The following NRXN2 variants were observed in gnomAD, a reference collection of about 807,000 sequenced individuals.
NRXN2 encodes neurexin-2-beta.
Under a neutral mutation model 128.8 loss-of-function variants are expected in NRXN2, and 29 were observed. The observed-to-expected ratio is 0.23, with a 90% CI of 0.17 to 0.31. The LOEUF (loss-of-function observed/expected upper bound fraction) is 0.31, where lower values mean the gene tolerates loss of function less well. Among genes scored for constraint, NRXN2 ranks in the 10% least tolerant of loss-of-function variants. NRXN2 has a pLI of 1.00. For missense variants in NRXN2, 1,881 were observed against 2,452.6 expected (o/e 0.77, Z 4.92); for synonymous variants, 1,098 against 1,075.2 (o/e 1.02, Z -0.41).
In NRXN2 at chr11:64,635,627, G is replaced by A. The variant is rs1163685602; in HGVS notation, c.3404-175C>T. Among the ~76,000 whole-genome samples the A allele has an allele frequency of 6.6e-6, 1 of 152,192 alleles. No homozygotes were observed. The highest frequency in any genetic ancestry group is 1.5e-5 in the Non-Finnish European group (1 of 68,020). On this transcript the variant is annotated intron_variant, in intron 17 of 22. Coordinates refer to ENST00000265459, the MANE Select transcript of NRXN2 (RefSeq NM_015080.4). This position sits in a 1 kb window ranked among gnomAD's most constrained non-coding sequence, Gnocchi z 4.8. ...CCCAGGGAGAAGTTGGCAGGCGGGT[G>A]CCTGGGTGAGAGCCTGTGCACGCGC...
At position 64,697,799 on chromosome 11, in the gene NRXN2, C is replaced by T; in HGVS notation, c.731-7G>A. ...CCTTCCATGGGGTGCTCCTCTGCAGCCAGCGAGGTTCGGAGAAGACGGAGG... is the reference window on the plus strand; with the variant it reads ...CCTTCCATGGGGTGCTCCTCTGCAGTCAGCGAGGTTCGGAGAAGACGGAGG... On this transcript the variant is annotated splice_polypyrimidine_tract_variant and splice_region_variant and intron_variant, in intron 2 of 22. Transcript: ENST00000265459. 6.2e-7 allele frequency: 1 copy of T among 1,613,760 alleles called. No homozygotes were observed. The highest frequency in any genetic ancestry group is 8.5e-7 in the Non-Finnish European group (1 of 1,179,814).
chr11:64,616,295 T>C (rs919619604), intron 22 of NRXN2, among the ~76,000 whole-genome samples: 4 of 152,190 alleles, frequency 2.6e-5, no homozygotes, highest in Non-Finnish European at 4.4e-5. Flanking sequence ...AGTATACTTA[T>C]ACACACATGT....
chr11:64,649,078 ACTT>A (rs953963898), intron 15 of NRXN2, among the ~76,000 whole-genome samples, 171 bp from the exon 16 acceptor site: 1 of 151,686 alleles, frequency 6.6e-6, no homozygotes, highest in East Asian at 1.9e-4. Flanking sequence ...CCCCCAACAC[ACTT>A]CTTCCTTCTC....
chr11:64,692,980 G>C, intron 3 of NRXN2, 104 bp from the exon 4 acceptor site: 1 of 993,150 alleles, frequency 1.0e-6, no homozygotes, highest in Non-Finnish European at 1.5e-6. Context: ...AAATCAGCCA[G>C]AGAGAAGGGA....
intron 17 of NRXN2, among the ~76,000 whole-genome samples, chr11:64,641,009 A>T (rs1319809336): frequency 2.0e-5 from 3 of 152,112 alleles, no homozygotes; most frequent in Non-Finnish European, 4.4e-5. Flanking sequence ...GGAAGTGATG[A>T]GGGTACAAGG....
intron 2 of NRXN2, 147 bp downstream of exon 2, chr11:64,712,823 C>T (rs1194053665): frequency 9.9e-6 from 8 of 805,428 alleles, no homozygotes; most frequent in Non-Finnish European, 1.7e-5. Flanking sequence ...CACGCGTCCC[C>T]GCAGCCCTGG....
chr11:64,652,138 C>T lies in NRXN2; in HGVS notation c.2433G>A (p.Thr811=), dbSNP rs545736133. 5 of 1,612,740 alleles carry T rather than the reference C, an allele frequency of 3.1e-6. No individual in the cohort carries two copies. Among genetic ancestry groups the T allele is most frequent in the South Asian group, 1.1e-5 (1 of 91,076 alleles). Residue 811 remains threonine (T), a synonymous_variant, in exon 13 of 23, where the codon ACG becomes ACA. Transcript: ENST00000265459. The part of the protein sequence containing the change: ...VGCAPSKGPE[T]LFAGHKLNDN... ...CATTGAGCTTGTGCCCCGCAAACAG[C>T]GTTTCGGGGCCTTTACCTGCGGCAC... is the stretch of plus-strand genomic sequence containing the variant.
chr11:64,646,592 TCTTA>T (rs56364391), intron 17 of NRXN2: 39,176 of 151,910 alleles, frequency 0.26, 5,542 homozygotes, highest in East Asian at 0.47. Flanking sequence ...AGTAACTGCC[TCTTA>T]CTGAGGCCTG....
At chr11:64,718,169 C>T (rs2135690309) in intron 1 of NRXN2, among the ~76,000 whole-genome samples, 1 of 152,322 alleles carries the variant, frequency 6.6e-6, no homozygotes, top group East Asian at 1.9e-4. Flanking sequence ...TGACCAAAGG[C>T]CTCAGCCCTA....
At chr11:64,643,313 G>A in intron 17 of NRXN2, 1 of 972,924 alleles carries the variant, frequency 1.0e-6, no homozygotes, top group Non-Finnish European at 1.2e-6. Context: ...CGCCGCTGCT[G>A]CCGCTGCCGC....
At chr11:64,619,802 A>G (rs1409149994) in intron 22 of NRXN2, among the ~76,000 whole-genome samples, 1 of 152,198 alleles carries the variant, frequency 6.6e-6, no homozygotes, top group Non-Finnish European at 1.5e-5. Context: ...CACTTCAGAC[A>G]GAGCACAGGA....
intron 6 of NRXN2, among the ~76,000 whole-genome samples, chr11:64,679,140 G>C (rs1213440790): frequency 6.6e-6 from 1 of 152,180 alleles, no homozygotes; most frequent in Non-Finnish European, 1.5e-5. Flanking sequence ...CTTCAGGCCA[G>C]CTAAACAACC....
intron 11 of NRXN2, among the ~76,000 whole-genome samples, chr11:64,657,525 C>T (rs1455128236): frequency 1.3e-5 from 2 of 152,200 alleles, no homozygotes; most frequent in Middle Eastern, 3.2e-3. Context: ...TGGTTTCATT[C>T]CCATTCTTCC....
intron 17 of NRXN2, chr11:64,643,192 C>G: frequency 1.0e-6 from 1 of 975,202 alleles, no homozygotes; most frequent in East Asian, 1.2e-4. Flanking sequence ...CGAGGGAAAT[C>G]CTGCGGAAAA....
At chr11:64,693,207 C>T (rs376789029) in intron 3 of NRXN2, among the ~76,000 whole-genome samples, 5 of 106,518 alleles carry the variant, frequency 4.7e-5, no homozygotes, top group African/African-American at 2.0e-4. Flanking sequence ...GGCACTGCAG[C>T]GGGGAGAGGA....
At chr11:64,685,581 C>A in intron 6 of NRXN2, 65 bp downstream of exon 6, 1 of 1,605,570 alleles carries the variant, frequency 6.2e-7, no homozygotes, top group Non-Finnish European at 8.5e-7. Context: ...CCGGCAGCCC[C>A]CTCTCCCAAC....
Position 64,607,588 on chromosome 11 carries a change from C to A in NRXN2, c.4747G>T (p.Gly1583Trp). 6.5e-7 allele frequency: 1 copy of A among 1,531,358 alleles called. No homozygotes were observed. 94.9% of individuals were successfully genotyped at this position (1,531,358 alleles called of 1,614,324 possible). A position where few individuals can be genotyped will look rare whatever the true frequency, so the allele number is the denominator to read the frequency against. The change falls in exon 23 of 23, where the codon GGG (glycine) becomes TGG (tryptophan). Residue 1583 changes from glycine to tryptophan, a missense_variant. Transcript: ENST00000265459. ...CGCGGCTCAAAGGACGTGGGGGCCC[C>A]GGGCCCCAAGGGCGGGTTCTCCAGC... ...PLLENPPLGPGAPTSFEPRRP... is the reference protein window; with the variant it reads ...PLLENPPLGPWAPTSFEPRRP...
chr11:64,615,605 G>C (rs1363281365), intron 22 of NRXN2, among the ~76,000 whole-genome samples: 1 of 152,222 alleles, frequency 6.6e-6, no homozygotes, highest in Non-Finnish European at 1.5e-5. Flanking sequence ...GGGTGAATCT[G>C]AATACACATG....
In NRXN2 at chr11:64,648,407, A is replaced by T. The variant is rs1012197686; in HGVS notation, c.3284-69T>A. 6 of 1,610,976 alleles carry T rather than the reference A, an allele frequency of 3.7e-6. No individual in the cohort carries two copies. The African/African-American group carries it at 8.0e-5, about 22-fold the overall frequency. Reference sequence around the variant, plus strand: ...CCCCTCTTTCCCCAGGAGGTGTGGAAGCTTCAGAGCCAGGCAGAGAGGTCC... The same window carrying T: ...CCCCTCTTTCCCCAGGAGGTGTGGATGCTTCAGAGCCAGGCAGAGAGGTCC... On this transcript the variant is annotated intron_variant, in intron 16 of 22. Transcript: ENST00000265459. This position sits in a 1 kb window ranked among gnomAD's most constrained non-coding sequence, Gnocchi z 4.1.
Sources: gnomAD v4.1 joint callset for allele counts (sites outside exome capture counted in the v4.1 genomes callset) on GRCh38, gnomAD v4.1.1 for gene constraint, Gnocchi (gnomAD v3.1) non-coding constraint, MANE v1.5 for transcripts, NCBI Gene and HGNC (gene_info 2026-07-23, HGNC 2026-07-21) for gene names.